The following SPINK9 variants were observed in gnomAD, a reference collection of about 807,000 sequenced individuals.
The protein encoded by SPINK9 is serine protease inhibitor Kazal-type 9.
A neutral mutation model predicts 10.8 loss-of-function variants in SPINK9; 3 were observed. The observed-to-expected ratio is 0.28, with a 90% CI of 0.13 to 0.72. The LOEUF is 0.72. Ranked by LOEUF, SPINK9 falls within the 30% of genes least tolerant of loss-of-function variation. SPINK9 has a pLI of 0.74. For synonymous variants in SPINK9, 30 were observed against 31.2 expected (o/e 0.96, Z 0.12); for missense variants, 101 against 103.2 (o/e 0.98, Z 0.09).
At chr5:148,331,232 C>G (rs1302484844), upstream of SPINK9, among the ~76,000 whole-genome samples, 1 of 152,152 alleles carries the variant, frequency 6.6e-6, no homozygotes, top group African/African-American at 2.4e-5. Context: ...CTTGGCTCCA[C>G]CCCTCTAGAG....
At chr5:148,328,141 A>C (rs973614761) in intron 2 of SPINK9, among the ~76,000 whole-genome samples, 2 of 152,076 alleles carry the variant, frequency 1.3e-5, no homozygotes. Flanking sequence ...TCCATGAGCA[A>C]GGAATGTTCT....
At chr5:148,338,326 A>G in intron 2 of SPINK9, 152 bp from the exon 3 acceptor site, 1 of 555,326 alleles carries the variant, frequency 1.8e-6, no homozygotes, top group African/African-American at 2.0e-5. Flanking sequence ...AAACATCTTT[A>G]CATTTGAAAT....
At position 148,339,748 on chromosome 5, in the gene SPINK9, T is replaced by C; in HGVS notation, c.*36T>C. On this transcript the variant is annotated 3_prime_UTR_variant, in exon 4 of 4. Coordinates refer to ENST00000377906, the MANE Select transcript of SPINK9 (RefSeq NM_001040433.2). Reference sequence around the variant, plus strand: ...TGAGTCCAAAATATCTTTTAATGCATCTATTCACAAGAGTCACATTTCTGT... The same window carrying C: ...TGAGTCCAAAATATCTTTTAATGCACCTATTCACAAGAGTCACATTTCTGT... 1.3e-6 allele frequency: 2 copies of C among 1,539,138 alleles called. No homozygotes were observed. The highest frequency in any genetic ancestry group is 1.1e-5 in the South Asian group (1 of 89,468).
intron 2 of SPINK9, among the ~76,000 whole-genome samples, chr5:148,328,881 G>T (rs1406224544): frequency 6.6e-6 from 1 of 152,150 alleles, no homozygotes. Context: ...TAAGCTTTTT[G>T]ATGTGTTGCT....
upstream of SPINK9, among the ~76,000 whole-genome samples, chr5:148,334,453 G>T (rs1254385292): frequency 6.6e-6 from 1 of 152,184 alleles, no homozygotes; most frequent in Non-Finnish European, 1.5e-5. Flanking sequence ...GTTCATGCCT[G>T]TAATTGCAGC....
chr5:148,331,182 T>A (rs1182054908), upstream of SPINK9, among the ~76,000 whole-genome samples: 1 of 152,232 alleles, frequency 6.6e-6, no homozygotes, highest in Admixed American at 6.5e-5. Context: ...GTGTCACTCA[T>A]GCTGGTAGAT....
At chr5:148,337,850 A>AT (rs1410529779) in intron 2 of SPINK9, among the ~76,000 whole-genome samples, 1 of 152,150 alleles carries the variant, frequency 6.6e-6, no homozygotes, top group East Asian at 1.9e-4. Flanking sequence ...ATGCTCATAG[A>AT]TTTTTTAAAA....
At chr5:148,326,127 A>C (rs981241485) in intron 2 of SPINK9, among the ~76,000 whole-genome samples, 2 of 152,228 alleles carry the variant, frequency 1.3e-5, no homozygotes, top group African/African-American at 4.8e-5. Flanking sequence ...ACAAATGGTC[A>C]ACAGATATAT....
intron 1 of SPINK9, among the ~76,000 whole-genome samples, chr5:148,322,559 G>A (rs1172170871): frequency 6.6e-6 from 1 of 152,108 alleles, no homozygotes; most frequent in Non-Finnish European, 1.5e-5. Context: ...TCAATTCAGG[G>A]ACCAAATACT....
chr5:148,336,831 C>T (rs996354363), intron 2 of SPINK9, among the ~76,000 whole-genome samples: 1 of 152,174 alleles, frequency 6.6e-6, no homozygotes, highest in African/African-American at 2.4e-5. Flanking sequence ...AAATGGGTCA[C>T]ACATATCTTT....
chr5:148,324,326 CATAAA>C (rs897441428), intron 2 of SPINK9, among the ~76,000 whole-genome samples: 1 of 151,980 alleles, frequency 6.6e-6, no homozygotes, highest in African/African-American at 2.4e-5. Flanking sequence ...GGGTTTGCAA[CATAAA>C]ATGAGATATT....
At chr5:148,337,231 G>A (rs761553835) in intron 2 of SPINK9, among the ~76,000 whole-genome samples, 10 of 152,058 alleles carry the variant, frequency 6.6e-5, no homozygotes, top group Non-Finnish European at 1.3e-4. Flanking sequence ...CCTGGGATTT[G>A]AGCAGGCAAG....
upstream of SPINK9, among the ~76,000 whole-genome samples, chr5:148,330,604 T>G (rs554709589): frequency 3.3e-4 from 50 of 152,346 alleles, no homozygotes; most frequent in African/African-American, 1.1e-3. Flanking sequence ...CTAGCCTTGA[T>G]GGTCTTTACA....
intron 1 of SPINK9, chr5:148,323,556 C>T: frequency 2.2e-6 from 1 of 451,594 alleles, no homozygotes. Flanking sequence ...TATATATTAA[C>T]TTTATTAACT....
intron 2 of SPINK9, among the ~76,000 whole-genome samples, chr5:148,330,298 G>A (rs1025783646): frequency 6.6e-6 from 1 of 152,100 alleles, no homozygotes; most frequent in Admixed American, 6.5e-5. Flanking sequence ...TTGATTTAAA[G>A]TCTGTTTTAT....
At chr5:148,333,257 T>C (rs1351656745), upstream of SPINK9, among the ~76,000 whole-genome samples, 1 of 152,186 alleles carries the variant, frequency 6.6e-6, no homozygotes, top group Non-Finnish European at 1.5e-5. Context: ...TTACATAGCA[T>C]TTTCCAACTC....
chr5:148,333,328 C>T (rs1258441095), upstream of SPINK9, among the ~76,000 whole-genome samples: 10 of 152,172 alleles, frequency 6.6e-5, no homozygotes, highest in Admixed American at 5.2e-4. Flanking sequence ...TTCTTGGTTT[C>T]GTGCAGGAAA....
At chr5:148,325,242 T>C (rs922296584) in intron 2 of SPINK9, among the ~76,000 whole-genome samples, 2 of 152,150 alleles carry the variant, frequency 1.3e-5, no homozygotes, top group African/African-American at 4.8e-5. Flanking sequence ...TACATTCATG[T>C]ACAAGTTTTG....
upstream of SPINK9, among the ~76,000 whole-genome samples, chr5:148,330,740 G>T (rs1040289695): frequency 1.6e-4 from 25 of 152,186 alleles, 1 homozygote; most frequent in South Asian, 2.9e-3. Flanking sequence ...GTCTGTAAAG[G>T]ATTTTATTTC....
Sources: gnomAD v4.1 joint callset for allele counts (sites outside exome capture counted in the v4.1 genomes callset) on GRCh38, gnomAD v4.1.1 for gene constraint, MANE v1.5 for transcripts, NCBI Gene and HGNC (gene_info 2026-07-23, HGNC 2026-07-21) for gene names.